The following TRAPPC9 variants were observed in gnomAD, a reference collection of about 807,000 sequenced individuals.
The protein encoded by TRAPPC9 is trafficking protein particle complex subunit 9, also known as IKK2 binding protein.
TRAPPC9 carries 83 observed loss-of-function variants against 124.0 expected under a neutral mutation model. That is an observed-to-expected ratio of 0.67 (90% CI 0.56 to 0.80). TRAPPC9 has a LOEUF of 0.80. TRAPPC9 is among the 30% of genes least tolerant of loss of function. TRAPPC9 has a pLI of 0.00. For missense variants in TRAPPC9, 1,302 were observed against 1,508.3 expected, an observed-to-expected ratio of 0.86 and a Z score of 2.27; for synonymous variants, 638 against 617.5, an observed-to-expected ratio of 1.03 and a Z score of -0.49.
intron 16 of TRAPPC9, among the ~76,000 whole-genome samples, chr8:140,235,582 C>A (rs1587983840): frequency 2.0e-5 from 3 of 152,180 alleles, no homozygotes; most frequent in Admixed American, 6.5e-5. Flanking sequence ...GTTAATACCA[C>A]AGTGAGACAA....
At chr8:139,935,669 C>CTT (rs377706417) in intron 19 of TRAPPC9, among the ~76,000 whole-genome samples, 1 of 132,568 alleles carries the variant, frequency 7.5e-6, no homozygotes, top group Non-Finnish European at 1.6e-5. Context: ...TCAGTCTTTG[C>CTT]TTTTTTTTTT....
At chr8:140,082,921 G>A (rs1843927215) in intron 17 of TRAPPC9, among the ~76,000 whole-genome samples, 1 of 152,146 alleles carries the variant, frequency 6.6e-6, no homozygotes, top group African/African-American at 2.4e-5. Context: ...TTGGCCAGGC[G>A]CGGTGGCTCA....
At chr8:139,735,178 C>A (rs554506554) in intron 21 of TRAPPC9, among the ~76,000 whole-genome samples, 1 of 152,330 alleles carries the variant, frequency 6.6e-6, no homozygotes, top group East Asian at 1.9e-4. Flanking sequence ...GCGCTTCTAT[C>A]TATGGGACCC....
intron 2 of TRAPPC9, among the ~76,000 whole-genome samples, chr8:140,442,890 T>C (rs924419326): frequency 3.3e-5 from 5 of 151,876 alleles, no homozygotes; most frequent in African/African-American, 4.8e-5. Flanking sequence ...ATCCCAGCAC[T>C]ATGGGAGGCC....
chr8:140,203,097 T>C (rs937235524), intron 17 of TRAPPC9, among the ~76,000 whole-genome samples: 5 of 152,160 alleles, frequency 3.3e-5, no homozygotes, highest in African/African-American at 1.2e-4. Context: ...CTTGTTATAA[T>C]AAAATCTGGG....
intron 21 of TRAPPC9, among the ~76,000 whole-genome samples, chr8:139,883,153 A>G (rs994834648): frequency 2.0e-5 from 3 of 152,112 alleles, no homozygotes; most frequent in African/African-American, 7.2e-5. Flanking sequence ...TGGTGACTTT[A>G]TAAGAAAAGG....
intron 17 of TRAPPC9, among the ~76,000 whole-genome samples, chr8:140,162,515 T>C (rs913524475): frequency 4.6e-5 from 7 of 152,148 alleles, no homozygotes; most frequent in Admixed American, 3.9e-4. Context: ...TAATAGGTGC[T>C]CAGTAAGTAT....
intron 9 of TRAPPC9, among the ~76,000 whole-genome samples, chr8:140,329,720 C>G (rs558964022): frequency 6.6e-5 from 10 of 152,238 alleles, no homozygotes; most frequent in African/African-American, 2.4e-4. Context: ...ATTTCGGAAT[C>G]TAAGGCTTGG....
At chr8:139,871,474 G>C (rs898018781) in intron 21 of TRAPPC9, among the ~76,000 whole-genome samples, 1 of 152,072 alleles carries the variant, frequency 6.6e-6, no homozygotes, top group Non-Finnish European at 1.5e-5. Flanking sequence ...CCAGCCCCGC[G>C]AGCCAGAAGG....
In TRAPPC9 at chr8:140,018,324, A is replaced by ATTTTTTCTTTTTTCTTTTTTTTTTT. The variant is rs765656679; in HGVS notation, c.2699+5612_2699+5613insAAAAAAAAAAAGAAAAAAGAAAAAA. ...TTGCTGGTATATAGAAACGTAAGTG[A>ATTTTTTCTTTTTTCTTTTTTTTTTT]TTTTTTTTTTTTTTTTTGAGACGGA... On this transcript the variant is annotated intron_variant, in intron 18 of 22. Coordinates refer to ENST00000438773, the MANE Select transcript of TRAPPC9 (RefSeq NM_001160372.4). Among the ~76,000 whole-genome samples the ATTTTTTCTTTTTTCTTTTTTTTTTT allele has an allele frequency of 3.1e-4, 37 of 119,778 alleles. 5 individuals carry two copies. Among genetic ancestry groups the ATTTTTTCTTTTTTCTTTTTTTTTTT allele is most frequent in the African/African-American group, 1.2e-3 (36 of 30,690 alleles). The allele number at this position is 119,778 out of a possible 152,430, so 78.6% of individuals were successfully genotyped here.
At chr8:139,977,602 A>G (rs1257229333) in intron 19 of TRAPPC9, among the ~76,000 whole-genome samples, 2 of 128,756 alleles carry the variant, frequency 1.6e-5, no homozygotes, top group South Asian at 2.7e-4. Flanking sequence ...TGGGCGACAG[A>G]GTGAGACTCT....
chr8:140,258,706 T>G (rs886480194), intron 15 of TRAPPC9, among the ~76,000 whole-genome samples: 1 of 152,242 alleles, frequency 6.6e-6, no homozygotes, highest in African/African-American at 2.4e-5. Context: ...TCTTTTTCGA[T>G]CCAGTCAATC....
intron 15 of TRAPPC9, among the ~76,000 whole-genome samples, chr8:140,264,499 C>T (rs1343362075): frequency 6.6e-6 from 1 of 150,956 alleles, no homozygotes; most frequent in African/African-American, 2.4e-5. Flanking sequence ...TGTTACATTT[C>T]ACCATCCCAG....
intron 15 of TRAPPC9, among the ~76,000 whole-genome samples, chr8:140,270,423 C>A (rs1481389578): frequency 1.3e-5 from 2 of 152,218 alleles, no homozygotes; most frequent in African/African-American, 4.8e-5. Flanking sequence ...GGCCATGCCA[C>A]CAAATGTCTT....
At chr8:140,416,921 T>C (rs955977555) in intron 5 of TRAPPC9, among the ~76,000 whole-genome samples, 3 of 152,202 alleles carry the variant, frequency 2.0e-5, no homozygotes, top group Non-Finnish European at 4.4e-5. Flanking sequence ...GCCACACATC[T>C]ACAACCATCT....
intron 8 of TRAPPC9, among the ~76,000 whole-genome samples, chr8:140,366,865 C>G (rs2068126825): frequency 6.6e-6 from 1 of 152,112 alleles, no homozygotes; most frequent in African/African-American, 2.4e-5. Context: ...AGAAAAAACT[C>G]TTAAAGTCAA....
At chr8:139,935,538 T>C (rs1833453366) in intron 19 of TRAPPC9, among the ~76,000 whole-genome samples, 1 of 152,152 alleles carries the variant, frequency 6.6e-6, no homozygotes, top group Admixed American at 6.5e-5. Context: ...GCTCCTTGCC[T>C]ATAAAAAAGA....
chr8:140,323,769 A>G (rs907703296), intron 9 of TRAPPC9, among the ~76,000 whole-genome samples: 6 of 152,208 alleles, frequency 3.9e-5, no homozygotes, highest in African/African-American at 9.7e-5. Flanking sequence ...AAAAAAACAG[A>G]TATGACAAAC....
intron 19 of TRAPPC9, among the ~76,000 whole-genome samples, chr8:139,939,818 C>A (rs995961048): frequency 6.6e-6 from 1 of 152,172 alleles, no homozygotes; most frequent in Non-Finnish European, 1.5e-5. Context: ...AGAATGGCAA[C>A]AAAAATGCCT....
Sources: gnomAD v4.1 joint callset for allele counts (sites outside exome capture counted in the v4.1 genomes callset) on GRCh38, gnomAD v4.1.1 for gene constraint, MANE v1.5 for transcripts, NCBI Gene and HGNC (gene_info 2026-07-23, HGNC 2026-07-21) for gene names.